NOL4: variants seen among roughly 807,000 people sequenced by gnomAD.
NOL4 encodes cancer/testis antigen 125.
Under a neutral mutation model 75.9 loss-of-function variants are expected in NOL4, and 17 were observed. That is an observed-to-expected ratio of 0.22 (90% CI 0.15 to 0.34). The LOEUF (loss-of-function observed/expected upper bound fraction) is 0.34. NOL4 is among the 10% of genes least tolerant of loss of function. NOL4 has a pLI of 1.00. For synonymous variants in NOL4, 292 were observed against 289.9 expected (o/e 1.01, Z -0.07); for missense variants, 614 against 793.5 (o/e 0.77, Z 2.72).
In NOL4 at chr18:34,223,973, G is replaced by C. The variant is rs1178809144; in HGVS notation, c.-720C>G. ...TTTTTATCAAGATATTTTTTAAAACGGTTTAAAATGTCATTTCTTCAGATG... is the reference window on the plus strand; with the variant it reads ...TTTTTATCAAGATATTTTTTAAAACCGTTTAAAATGTCATTTCTTCAGATG... On this transcript the variant is annotated 5_prime_UTR_variant, in exon 1 of 11. Transcript: ENST00000261592. The C allele has an allele frequency of 6.6e-6, 1 of 152,210 alleles. No individual in the cohort carries two copies. The highest frequency in any genetic ancestry group is 1.5e-5 in the Non-Finnish European group (1 of 68,034). The allele number at this position is 152,210 out of a possible 1,614,324, so 9.4% of individuals were successfully genotyped here.
intron 1 of NOL4, among the ~76,000 whole-genome samples, chr18:34,217,625 C>T (rs1288734991): frequency 1.3e-5 from 2 of 152,008 alleles, no homozygotes; most frequent in Admixed American, 1.3e-4. Flanking sequence ...ATTTTGAGTT[C>T]ATAAAATATA....
intron 1 of NOL4, among the ~76,000 whole-genome samples, chr18:34,214,671 C>T (rs1002244424): frequency 3.9e-5 from 6 of 152,038 alleles, no homozygotes; most frequent in African/African-American, 1.4e-4. Flanking sequence ...TGTACATATC[C>T]AGAAAAATTG....
intron 9 of NOL4, among the ~76,000 whole-genome samples, chr18:33,888,367 T>C (rs898037773): frequency 1.3e-5 from 2 of 152,164 alleles, no homozygotes; most frequent in African/African-American, 2.4e-5. Flanking sequence ...ATTCTGTAGG[T>C]TGCCTGTTCA....
At chr18:33,946,071 TA>T (rs1308506576) in intron 8 of NOL4, among the ~76,000 whole-genome samples, 1 of 151,626 alleles carries the variant, frequency 6.6e-6, no homozygotes, top group Admixed American at 6.6e-5. Context: ...TGTTTTCAAC[TA>T]AAAAAATAAG....
At position 33,851,392 on chromosome 18, in the gene NOL4, A is replaced by G. The variant is rs2062630210; in HGVS notation, c.*1450T>C. On this transcript the variant is annotated 3_prime_UTR_variant, in exon 11 of 11. Coordinates refer to ENST00000261592, the MANE Select transcript of NOL4 (RefSeq NM_003787.5). ...ATAGCAATGTCCACAGTTACAAGAA[A>G]AAGTGCACATTACTCGGTCACAATC... The G allele has an allele frequency of 6.6e-6, 1 of 152,524 alleles. No individual in the cohort carries two copies. The highest frequency in any genetic ancestry group is 6.6e-5 in the Admixed American group (1 of 15,232). The allele number at this position is 152,524 out of a possible 1,614,324, so 9.4% of individuals were successfully genotyped here.
intron 4 of NOL4, among the ~76,000 whole-genome samples, chr18:34,101,389 C>T (rs1600589508): frequency 6.6e-6 from 1 of 152,126 alleles, no homozygotes; most frequent in Non-Finnish European, 1.5e-5. Context: ...AGTAATCATA[C>T]TGGGTAGGTT....
intron 9 of NOL4, among the ~76,000 whole-genome samples, chr18:33,905,984 G>A (rs918953078): frequency 4.6e-5 from 7 of 152,146 alleles, no homozygotes; most frequent in African/African-American, 7.2e-5. Context: ...GTGAAAAGGA[G>A]GCCTAGCATG....
intron 1 of NOL4, among the ~76,000 whole-genome samples, chr18:34,159,456 C>T (rs1336511616): frequency 6.6e-6 from 1 of 152,078 alleles, no homozygotes; most frequent in Non-Finnish European, 1.5e-5. Context: ...GGGCTCGAAG[C>T]CGCGGGCCTG....
intron 5 of NOL4, among the ~76,000 whole-genome samples, chr18:34,035,403 T>G (rs1484859525): frequency 6.6e-6 from 1 of 152,112 alleles, no homozygotes; most frequent in Non-Finnish European, 1.5e-5. Context: ...ATTTAAAAAT[T>G]TTTTGAAACA....
At chr18:33,916,560 A>C (rs1045497333) in intron 9 of NOL4, among the ~76,000 whole-genome samples, 1 of 152,216 alleles carries the variant, frequency 6.6e-6, no homozygotes, top group African/African-American at 2.4e-5. Context: ...TTAGGCAATT[A>C]AGAAAGCAAA....
chr18:33,854,666 A>G (rs10502617), intron 10 of NOL4, among the ~76,000 whole-genome samples: 26,924 of 151,260 alleles, frequency 0.18, 2,603 homozygotes, highest in Non-Finnish European at 0.22. Context: ...CAGTACAAGG[A>G]CAGATATTTA....
At chr18:34,059,499 A>G (rs2076981414) in intron 5 of NOL4, among the ~76,000 whole-genome samples, 1 of 151,984 alleles carries the variant, frequency 6.6e-6, no homozygotes, top group Non-Finnish European at 1.5e-5. Flanking sequence ...CCTCACCTGA[A>G]TGCACCCAGA....
intron 2 of NOL4, among the ~76,000 whole-genome samples, chr18:34,120,233 T>C (rs2080076584): frequency 2.0e-5 from 3 of 151,962 alleles, no homozygotes; most frequent in Admixed American, 2.0e-4. Flanking sequence ...TATTGGAGAG[T>C]CTGCAGGCAG....
intron 10 of NOL4, among the ~76,000 whole-genome samples, chr18:33,880,918 A>G (rs948011446): frequency 1.2e-4 from 19 of 152,198 alleles, no homozygotes; most frequent in Non-Finnish European, 4.4e-5. Flanking sequence ...TAGAGAGACA[A>G]TCATTATGTA....
At chr18:33,863,088 GC>G (rs1372876926) in intron 10 of NOL4, among the ~76,000 whole-genome samples, 3 of 152,152 alleles carry the variant, frequency 2.0e-5, no homozygotes. Context: ...ATACTATGCA[GC>G]CATAAAAAAT....
rs184310739 is a variant in NOL4 at position 33,868,007 on chromosome 18, G to A, written c.1724-14972C>T. Among the ~76,000 whole-genome samples the A allele has an allele frequency of 3.2e-3, 487 of 151,968 alleles. 4 individuals are homozygous for A. The highest frequency in any genetic ancestry group is 0.01 in the African/African-American group (427 of 41,476). ...GGATGATGTCCACCTACATTAGGGA[G>A]GGCAATATGCTTTACTCGGTCTACT... On this transcript the variant is annotated intron_variant, in intron 10 of 10. Transcript: ENST00000261592.
chr18:34,141,084 C>T (rs1293543266), intron 1 of NOL4, among the ~76,000 whole-genome samples: 2 of 152,066 alleles, frequency 1.3e-5, no homozygotes, highest in Non-Finnish European at 2.9e-5. Flanking sequence ...CCATTCACAA[C>T]TGCTTCAAAG....
At chr18:34,010,044 A>G (rs1342953828) in intron 6 of NOL4, among the ~76,000 whole-genome samples, 1 of 151,718 alleles carries the variant, frequency 6.6e-6, no homozygotes, top group Non-Finnish European at 1.5e-5. Flanking sequence ...TAACCTTGTC[A>G]TCTGAGTTAT....
At chr18:34,069,903 G>A (rs2077437296) in intron 5 of NOL4, among the ~76,000 whole-genome samples, 1 of 152,176 alleles carries the variant, frequency 6.6e-6, no homozygotes. Flanking sequence ...CTCCAACTTA[G>A]GACCAACCAG....
Sources: allele counts gnomAD v4.1 joint callset (sites outside exome capture counted in the v4.1 genomes callset), GRCh38; gene constraint gnomAD v4.1.1; transcripts MANE v1.5; gene names NCBI Gene and HGNC (gene_info 2026-07-23, HGNC 2026-07-21).